The following CHPT1 variants were observed in gnomAD, a reference collection of about 807,000 sequenced individuals.
The protein encoded by CHPT1 is choline phosphotransferase 1.
A neutral mutation model predicts 47.6 loss-of-function variants in CHPT1; 36 were observed. That is an observed-to-expected ratio of 0.76 (90% CI 0.58 to 1.00). CHPT1 has a LOEUF of 1.00. Ranked by LOEUF, CHPT1 falls within the 50% of genes least tolerant of loss-of-function variation. CHPT1 has a pLI of 0.00. For synonymous variants in CHPT1, 194 were observed against 186.3 expected, an observed-to-expected ratio of 1.04 and a Z score of -0.33; for missense variants, 458 against 498.1, an observed-to-expected ratio of 0.92 and a Z score of 0.77.
intron 8 of CHPT1, chr12:101,727,244 T>G (rs888020505): frequency 6.6e-6 from 1 of 152,168 alleles, no homozygotes; most frequent in Non-Finnish European, 1.5e-5. Flanking sequence ...AAAGTTTACT[T>G]TAAGTACACA....
At chr12:101,725,581 G>A (rs1217899984) in intron 7 of CHPT1, among the ~76,000 whole-genome samples, 3 of 151,052 alleles carry the variant, frequency 2.0e-5, no homozygotes, top group Non-Finnish European at 2.9e-5. Flanking sequence ...GGTAAACTGA[G>A]GAAGTCAAAT....
chr12:101,700,975 G>C lies in CHPT1; in HGVS notation c.273+2841G>C, dbSNP rs544516746. Among the ~76,000 whole-genome samples the C allele has an allele frequency of 2.0e-5, 3 of 152,262 alleles. No individual in the cohort carries two copies. In the South Asian group the frequency reaches 6.2e-4, roughly 32 times the overall value. On this transcript the variant is annotated intron_variant, in intron 1 of 8. Transcript: ENST00000229266. Reference sequence around the variant, plus strand: ...TCAGCAAAAACACATAAGGTTTTTCGATTTAGATGCTTGGGCTTATCTACT... The same window carrying C: ...TCAGCAAAAACACATAAGGTTTTTCCATTTAGATGCTTGGGCTTATCTACT...
intron 8 of CHPT1, chr12:101,726,612 T>C (rs1189761323): frequency 4.7e-6 from 3 of 641,308 alleles, no homozygotes; most frequent in Non-Finnish European, 7.2e-6. Flanking sequence ...TTATCACAGA[T>C]GTTCTCAGAA....
At chr12:101,698,236 C>G in intron 1 of CHPT1, 102 bp downstream of exon 1, 1 of 1,338,666 alleles carries the variant, frequency 7.5e-7, no homozygotes, top group Non-Finnish European at 9.5e-7. Context: ...GAGCCTCTCC[C>G]GGGCCCCGGA....
chr12:101,722,185 AT>A (rs1248352922), intron 5 of CHPT1, among the ~76,000 whole-genome samples: 1 of 151,518 alleles, frequency 6.6e-6, no homozygotes, highest in Non-Finnish European at 1.5e-5. Flanking sequence ...TTAGGAGCAG[AT>A]TTTTTTTCTT....
chr12:101,704,404 C>CTTTTTTTTT (rs762770896), intron 1 of CHPT1, among the ~76,000 whole-genome samples: 1 of 140,090 alleles, frequency 7.1e-6, no homozygotes, highest in Non-Finnish European at 1.5e-5. Flanking sequence ...TGCTATTTTT[C>CTTTTTTTTT]TTTTTTTTTT....
At position 101,726,387 on chromosome 12, in the gene CHPT1, C is replaced by A; in HGVS notation, c.1159C>A (p.His387Asn). 6.2e-7 allele frequency: 1 copy of A among 1,612,774 alleles called. No homozygotes were observed. Reference protein sequence around the residue: ...LHLNIFKTACHQAPEQVQVLS... With the variant: ...LHLNIFKTACNQAPEQVQVLS... ...TCTAAATATATTCAAGACTGCATGTCATCAAGCACCTGAACAGGTTCACAA... is the reference window on the plus strand; with the variant it reads ...TCTAAATATATTCAAGACTGCATGTAATCAAGCACCTGAACAGGTTCACAA... Residue 387 changes from histidine (H) to asparagine (N), a missense_variant, in exon 8 of 9, where the codon CAT (histidine) becomes AAT (asparagine). By Grantham distance (68) the His-to-Asn change is moderately conservative. Coordinates refer to ENST00000229266, the MANE Select transcript of CHPT1 (RefSeq NM_020244.3).
intron 1 of CHPT1, among the ~76,000 whole-genome samples, chr12:101,706,379 A>G (rs963768736): frequency 3.3e-5 from 5 of 151,996 alleles, no homozygotes; most frequent in African/African-American, 1.2e-4. Context: ...GAAAAATAGA[A>G]TACGTGTCTC....
chr12:101,707,818 G>T (rs529214761), intron 1 of CHPT1, among the ~76,000 whole-genome samples: 2 of 152,268 alleles, frequency 1.3e-5, no homozygotes, highest in African/African-American at 4.8e-5. Flanking sequence ...GGGCAAGGAA[G>T]AAGAGAAGTA....
rs1951829213 is a variant in CHPT1, at chr12:101,720,227, T to C, written c.753T>C (p.Gly251=). 2 of 1,605,652 alleles carry C rather than the reference T, an allele frequency of 1.2e-6. No individual in the cohort carries two copies. The highest frequency in any genetic ancestry group is 2.7e-5 in the African/African-American group (2 of 74,436). ...ATTTCCATGTTATCCTCCATGGTGG[T>C]GTTGGCAAGAATGGATCCACTATAG... ...SNYFHVILHG[G]VGKNGSTIAG... is the part of the protein sequence containing the mutation. The change falls in exon 5 of 9, where the codon GGT becomes GGC. Residue 251 remains glycine, a synonymous_variant. Transcript: ENST00000229266.
chr12:101,718,288 C>T (rs1180148254), intron 4 of CHPT1, among the ~76,000 whole-genome samples: 2 of 152,098 alleles, frequency 1.3e-5, no homozygotes, highest in Non-Finnish European at 2.9e-5. Flanking sequence ...GTGATAATGA[C>T]GTGTCAATGT....
chr12:101,713,159 T>C lies in CHPT1; in HGVS notation c.274-931T>C, dbSNP rs568063300. 2.8e-4 allele frequency among the ~76,000 whole-genome samples: 41 copies of C among 148,580 alleles called. 1 individual carries two copies. Among genetic ancestry groups the C allele is most frequent in the African/African-American group, 9.5e-4 (39 of 41,168 alleles). On this transcript the variant is annotated intron_variant, in intron 1 of 8. Coordinates refer to ENST00000229266, the MANE Select transcript of CHPT1 (RefSeq NM_020244.3). Reference sequence around the variant, plus strand: ...GTAAGGCAGTACACTTCTGAGAACTTTACCCAATGCCCCAAGTATTAATGA... The same window carrying C: ...GTAAGGCAGTACACTTCTGAGAACTCTACCCAATGCCCCAAGTATTAATGA...
rs187100960 is a variant in CHPT1, at chr12:101,712,563, C to T, written c.274-1527C>T. Among the ~76,000 whole-genome samples, 296 of 148,548 alleles carry T rather than the reference C, an allele frequency of 2.0e-3. 14 individuals carry two copies. Among genetic ancestry groups the T allele is most frequent in the African/African-American group, 5.2e-3 (212 of 41,138 alleles). ...TGCTAGACTGCTTTCTGTTGTCCCA[C>T]CACTCGCCGATGCACAGTTCAATTA... On this transcript the variant is annotated intron_variant, in intron 1 of 8. Transcript: ENST00000229266.
chr12:101,716,715 C>T lies in CHPT1; in HGVS notation c.564-13C>T. On this transcript the variant is annotated splice_polypyrimidine_tract_variant and intron_variant, in intron 3 of 8. Transcript: ENST00000229266. ...TACAAACACCTTATCTATTCTTTGTCCTTCCTCTTTAGAGTGGATGTAACT... is the reference window on the plus strand; with the variant it reads ...TACAAACACCTTATCTATTCTTTGTTCTTCCTCTTTAGAGTGGATGTAACT... The T allele has an allele frequency of 6.4e-7, 1 of 1,562,808 alleles. No homozygotes were observed. Among genetic ancestry groups the T allele is most frequent in the South Asian group, 1.2e-5 (1 of 85,448 alleles).
At chr12:101,714,857 TCTC>T (rs1384485606) in intron 3 of CHPT1, 2 of 386,068 alleles carry the variant, frequency 5.2e-6, no homozygotes, top group Non-Finnish European at 8.9e-6. Flanking sequence ...TTATTTTTCT[TCTC>T]CTCTTCTCCA....
chr12:101,708,492 G>A lies in CHPT1; in HGVS notation c.274-5598G>A, dbSNP rs144967594. 1.5e-4 allele frequency among the ~76,000 whole-genome samples: 23 copies of A among 152,138 alleles called. No homozygotes were observed. In the East Asian group the frequency reaches 4.4e-3, roughly 29 times the overall value. On this transcript the variant is annotated intron_variant, in intron 1 of 8. Transcript: ENST00000229266. ...TAGCCACATAATTGAATACCATGCAGTCATTAAAAAGAATGATGTGGATCT... is the reference window on the plus strand; with the variant it reads ...TAGCCACATAATTGAATACCATGCAATCATTAAAAAGAATGATGTGGATCT...
chr12:101,719,684 G>A (rs914066389), intron 4 of CHPT1: 2 of 329,968 alleles, frequency 6.1e-6, no homozygotes, highest in Non-Finnish European at 1.1e-5. Flanking sequence ...CCTTTTTCAT[G>A]TTTAAGTCAG....
At chr12:101,717,924 T>C (rs75842028) in intron 4 of CHPT1, among the ~76,000 whole-genome samples, 4,030 of 152,246 alleles carry the variant, frequency 0.026, 62 homozygotes, top group African/African-American at 0.039. Context: ...AGAAATGAGC[T>C]ATCAAGCCAT....
chr12:101,723,584 A>G (rs368918351), intron 6 of CHPT1, 138 bp from the exon 7 acceptor site: 30 of 633,696 alleles, frequency 4.7e-5, no homozygotes, highest in African/African-American at 4.0e-4. Flanking sequence ...TGAATTTGAG[A>G]AGGTGTAGAA....
Sources: gnomAD v4.1 joint callset for allele counts (sites outside exome capture counted in the v4.1 genomes callset) on GRCh38, gnomAD v4.1.1 for gene constraint, MANE v1.5 for transcripts, NCBI Gene and HGNC (gene_info 2026-07-23, HGNC 2026-07-21) for gene names.